The following ANGPT2 variants were observed in gnomAD, a reference collection of about 807,000 sequenced individuals.
The protein encoded by ANGPT2 is angiopoietin-2.
Under a neutral mutation model 62.9 loss-of-function variants are expected in ANGPT2, and 28 were observed. That is an observed-to-expected ratio of 0.44 (90% CI 0.33 to 0.61). The LOEUF (loss-of-function observed/expected upper bound fraction) is 0.61, where lower values mean the gene tolerates loss of function less well. Ranked by LOEUF, ANGPT2 falls within the 20% of genes least tolerant of loss-of-function variation. ANGPT2 has a pLI of 0.03. For missense variants in ANGPT2, 727 were observed against 594.9 expected, an observed-to-expected ratio of 1.22 and a Z score of -2.31; for synonymous variants, 284 against 207.8, an observed-to-expected ratio of 1.37 and a Z score of -3.15.
At chr8:6,518,844 C>T (rs772965758) in intron 5 of ANGPT2, among the ~76,000 whole-genome samples, 1 of 152,104 alleles carries the variant, frequency 6.6e-6, no homozygotes, top group African/African-American at 2.4e-5. Context: ...CACACTGATT[C>T]TCCTGTAATA....
rs530318900 is a variant in ANGPT2 at position 6,519,566 on chromosome 8, G to A, written c.927+298C>T. On this transcript the variant is annotated intron_variant, in intron 5 of 8. Coordinates refer to ENST00000629816, the MANE Select transcript of ANGPT2 (RefSeq NM_001118887.2). ...TAAGGAAATGAGTCTGACACCTCAG[G>A]AAAAACAACTGACAGTATGCATTAT... is the stretch of plus-strand genomic sequence containing the variant. Among the ~76,000 whole-genome samples the A allele has an allele frequency of 5.9e-5, 9 of 152,218 alleles. No individual in the cohort carries two copies. In the South Asian group the frequency reaches 1.9e-3, roughly 32 times the overall value.
intron 1 of ANGPT2, among the ~76,000 whole-genome samples, chr8:6,557,412 G>T (rs761030715): frequency 6.6e-6 from 1 of 152,188 alleles, no homozygotes; most frequent in Non-Finnish European, 1.5e-5. Context: ...CCACCCTGTT[G>T]CGATTGCTGC....
intron 3 of ANGPT2, among the ~76,000 whole-genome samples, chr8:6,526,480 A>G (rs1818369359): frequency 6.6e-6 from 1 of 152,072 alleles, no homozygotes; most frequent in Non-Finnish European, 1.5e-5. Flanking sequence ...GGATTGTTAT[A>G]TCTCAATGAT....
At chr8:6,504,770 T>C (rs1812939882) in intron 8 of ANGPT2, among the ~76,000 whole-genome samples, 1 of 152,208 alleles carries the variant, frequency 6.6e-6, no homozygotes, top group Admixed American at 6.5e-5. Flanking sequence ...TTTATTATTG[T>C]TAAGTCTCTT....
chr8:6,533,569 C>CTTTTTTTTTTTTTTTTTTT (rs56882906), intron 1 of ANGPT2, among the ~76,000 whole-genome samples: 1 of 113,340 alleles, frequency 8.8e-6, no homozygotes, highest in Non-Finnish European at 1.7e-5. Flanking sequence ...CGTTTAGTTT[C>CTTTTTTTTTTTTTTTTTTT]TTTTTTTTTT....
chr8:6,533,371 T>C (rs1441785134), intron 1 of ANGPT2, among the ~76,000 whole-genome samples: 1 of 152,214 alleles, frequency 6.6e-6, no homozygotes, highest in East Asian at 1.9e-4. Flanking sequence ...GGAAGAGCCT[T>C]TGGGCTTGGA....
intron 1 of ANGPT2, among the ~76,000 whole-genome samples, chr8:6,548,151 C>A (rs1292912337): frequency 1.3e-5 from 2 of 152,152 alleles, no homozygotes; most frequent in Non-Finnish European, 1.5e-5. Context: ...GTTGGTTCCA[C>A]TGGAATCTTG....
At chr8:6,526,165 A>T (rs1008763818) in intron 3 of ANGPT2, among the ~76,000 whole-genome samples, 1 of 151,338 alleles carries the variant, frequency 6.6e-6, no homozygotes, top group African/African-American at 2.4e-5. Context: ...CATGCCTGTA[A>T]TCCCAGCACT....
chr8:6,515,966 C>T (rs930927846), intron 5 of ANGPT2, among the ~76,000 whole-genome samples: 1 of 152,260 alleles, frequency 6.6e-6, no homozygotes, highest in South Asian at 2.1e-4. Context: ...CTGCCTGATG[C>T]CTCATTGCCA....
intron 1 of ANGPT2, among the ~76,000 whole-genome samples, chr8:6,560,997 ACT>A (rs1420926378): frequency 1.3e-5 from 2 of 152,142 alleles, no homozygotes; most frequent in African/African-American, 4.8e-5. Flanking sequence ...CCTCGCTGTG[ACT>A]CTGTAACCAC....
chr8:6,514,343 C>A lies in ANGPT2; in HGVS notation c.1029+334G>T, dbSNP rs537729661. Reference sequence around the variant, plus strand: ...TAGCTGGGATTACAGGTGTGCACCACCACACCTGGCTAATATTTGTATTTT... The same window carrying A: ...TAGCTGGGATTACAGGTGTGCACCAACACACCTGGCTAATATTTGTATTTT... On this transcript the variant is annotated intron_variant, in intron 6 of 8. Transcript: ENST00000629816. Among the ~76,000 whole-genome samples, 3 of 152,234 alleles carry A rather than the reference C, an allele frequency of 2.0e-5. No homozygotes were observed. In the East Asian group the frequency reaches 5.8e-4, roughly 29 times the overall value.
chr8:6,528,976 C>T (rs1348483025), intron 2 of ANGPT2, among the ~76,000 whole-genome samples: 2 of 152,222 alleles, frequency 1.3e-5, no homozygotes, highest in Non-Finnish European at 2.9e-5. Flanking sequence ...TGGCCTACGT[C>T]TTCTTTGAGT....
chr8:6,539,504 G>A (rs904429163), intron 1 of ANGPT2, among the ~76,000 whole-genome samples: 16 of 152,140 alleles, frequency 1.1e-4, no homozygotes, highest in Admixed American at 3.9e-4. Context: ...CCACATGGAC[G>A]CCTGCCCACA....
chr8:6,514,907 G>A, intron 5 of ANGPT2, 129 bp from the exon 6 acceptor site: 1 of 684,352 alleles, frequency 1.5e-6, no homozygotes, highest in South Asian at 1.9e-5. Context: ...ATAAGGCACG[G>A]AGTAGACCAT....
intron 1 of ANGPT2, among the ~76,000 whole-genome samples, chr8:6,557,041 C>T (rs28373103): frequency 0.029 from 4,439 of 152,168 alleles, 158 homozygotes; most frequent in African/African-American, 0.083. Flanking sequence ...GAGGGGTGGG[C>T]GGGGTCATAT....
chr8:6,551,408 A>C (rs1200752916), intron 1 of ANGPT2, among the ~76,000 whole-genome samples: 1 of 152,242 alleles, frequency 6.6e-6, no homozygotes, highest in Non-Finnish European at 1.5e-5. Context: ...ATATGTATTA[A>C]AAGTTGTCCA....
At chr8:6,558,041 C>G (rs1360210296) in intron 1 of ANGPT2, among the ~76,000 whole-genome samples, 5 of 152,180 alleles carry the variant, frequency 3.3e-5, no homozygotes, top group Non-Finnish European at 5.9e-5. Flanking sequence ...CCCACACGCA[C>G]CTTTAGTTAC....
intron 3 of ANGPT2, among the ~76,000 whole-genome samples, chr8:6,526,797 G>C (rs1818428763): frequency 6.6e-6 from 1 of 152,050 alleles, no homozygotes; most frequent in African/African-American, 2.4e-5. Flanking sequence ...AAGGAAATAG[G>C]CACACCAGGT....
At chr8:6,514,325 G>C (rs1457431258) in intron 6 of ANGPT2, among the ~76,000 whole-genome samples, 1 of 152,120 alleles carries the variant, frequency 6.6e-6, no homozygotes, top group Non-Finnish European at 1.5e-5. Flanking sequence ...GAGTAGCTGG[G>C]ATTACAGGTG....
Sources: allele counts gnomAD v4.1 joint callset (sites outside exome capture counted in the v4.1 genomes callset), GRCh38; gene constraint gnomAD v4.1.1; transcripts MANE v1.5; gene names NCBI Gene and HGNC (gene_info 2026-07-23, HGNC 2026-07-21).